The following TNR variants were observed in gnomAD, a reference collection of about 807,000 sequenced individuals.
TNR encodes tenascin-R.
A neutral mutation model predicts 150.4 loss-of-function variants in TNR; 45 were observed. The observed-to-expected ratio is 0.30, with a 90% CI of 0.24 to 0.38. TNR has a LOEUF of 0.38. Ranked by LOEUF, TNR falls within the 10% of genes least tolerant of loss-of-function variation. The pLI is 1.00. For synonymous variants in TNR, 687 were observed against 678.4 expected (o/e 1.01, Z -0.20); for missense variants, 1,544 against 1,759.1 (o/e 0.88, Z 2.19).
chr1:175,688,642 G>A (rs1168721034), intron 1 of TNR, among the ~76,000 whole-genome samples: 5 of 152,204 alleles, frequency 3.3e-5, no homozygotes, highest in Non-Finnish European at 7.4e-5. Context: ...GGGTACCTGA[G>A]AGGCCTTGCC....
intron 1 of TNR, among the ~76,000 whole-genome samples, chr1:175,571,711 T>A (rs1297497822): frequency 6.6e-6 from 1 of 152,194 alleles, no homozygotes; most frequent in Non-Finnish European, 1.5e-5. Context: ...CAGGCGTGAA[T>A]TCATCCAACT....
intron 2 of TNR, among the ~76,000 whole-genome samples, chr1:175,466,025 C>A (rs954794630): frequency 3.3e-5 from 5 of 152,200 alleles, no homozygotes; most frequent in Admixed American, 3.3e-4. Flanking sequence ...GTCTCTTGAA[C>A]TTGCTGTGTG....
chr1:175,444,523 G>T (rs907741018), intron 2 of TNR, among the ~76,000 whole-genome samples: 17 of 152,152 alleles, frequency 1.1e-4, no homozygotes, highest in African/African-American at 4.1e-4. Context: ...AATATGTTAG[G>T]TCCTGACTCA....
intron 1 of TNR, among the ~76,000 whole-genome samples, chr1:175,736,028 C>T (rs932200121): frequency 6.6e-5 from 10 of 152,198 alleles, no homozygotes; most frequent in Non-Finnish European, 1.3e-4. Context: ...CCCATTAGCA[C>T]TTGAGGAGCA....
chr1:175,506,104 G>A (rs1557975102), intron 2 of TNR, among the ~76,000 whole-genome samples: 1 of 152,200 alleles, frequency 6.6e-6, no homozygotes, highest in Non-Finnish European at 1.5e-5. Flanking sequence ...AGGTGAGGTG[G>A]GATAGGGAGG....
chr1:175,647,511 G>A (rs1157738947), intron 1 of TNR, among the ~76,000 whole-genome samples: 4 of 151,730 alleles, frequency 2.6e-5, no homozygotes, highest in Non-Finnish European at 4.4e-5. Flanking sequence ...AAAGGGAAGA[G>A]GGGAAGCTGG....
At chr1:175,395,704 C>T (rs1046513550) in intron 5 of TNR, among the ~76,000 whole-genome samples, 7 of 152,184 alleles carry the variant, frequency 4.6e-5, no homozygotes, top group Admixed American at 2.6e-4. Context: ...CTAAAACAGG[C>T]TTATTGTATC....
chr1:175,393,434 GAGA>G (rs1407119095), intron 6 of TNR, among the ~76,000 whole-genome samples: 1 of 152,210 alleles, frequency 6.6e-6, no homozygotes, highest in Admixed American at 6.5e-5. Flanking sequence ...ATGTCCTAAA[GAGA>G]AGCCTCAATT....
rs74127353 is a variant in TNR, at chr1:175,599,250, G to A, written c.-164-70881C>T. Among the ~76,000 whole-genome samples, 2 of 152,188 alleles carry A rather than the reference G, an allele frequency of 1.3e-5. No individual in the cohort carries two copies. The highest frequency in any genetic ancestry group is 2.4e-5 in the African/African-American group (1 of 41,446). Reference sequence around the variant, plus strand: ...TTGGCCTTGGCCACCTCGGGTCACCGCTCCTCCCTTTCAGGCGCCCGGGTT... The same window carrying A: ...TTGGCCTTGGCCACCTCGGGTCACCACTCCTCCCTTTCAGGCGCCCGGGTT... On this transcript the variant is annotated intron_variant, in intron 1 of 22. Transcript: ENST00000367674. This position sits in a 1 kb window ranked among gnomAD's most constrained non-coding sequence, Gnocchi z 4.7.
intron 1 of TNR, among the ~76,000 whole-genome samples, chr1:175,731,341 T>C (rs530485434): frequency 2.0e-5 from 3 of 152,354 alleles, no homozygotes; most frequent in Non-Finnish European, 4.4e-5. Context: ...AACTCTATAG[T>C]AATTCTACCA....
chr1:175,388,954 G>T (rs200880560), intron 7 of TNR, among the ~76,000 whole-genome samples: 1 of 152,204 alleles, frequency 6.6e-6, no homozygotes, highest in African/African-American at 2.4e-5. Context: ...TATTCTAGGA[G>T]AAAAATATTC....
At position 175,554,835 on chromosome 1, in the gene TNR, C is replaced by T. The variant is rs556217942; in HGVS notation, c.-164-26466G>A. 1.1e-4 allele frequency among the ~76,000 whole-genome samples: 17 copies of T among 152,222 alleles called. No individual in the cohort carries two copies. The South Asian group carries it at 3.1e-3, about 28-fold the overall frequency. ...TCCTATGTTTATTCAATCATAAAACCATTGGGAGTTAGAGCTCATTGAGCC... is the reference window on the plus strand; with the variant it reads ...TCCTATGTTTATTCAATCATAAAACTATTGGGAGTTAGAGCTCATTGAGCC... On this transcript the variant is annotated intron_variant, in intron 1 of 22. Coordinates refer to ENST00000367674, the MANE Select transcript of TNR (RefSeq NM_003285.3).
chr1:175,723,535 T>G (rs1172543450), intron 1 of TNR, among the ~76,000 whole-genome samples: 1 of 152,220 alleles, frequency 6.6e-6, no homozygotes, highest in Admixed American at 6.5e-5. Flanking sequence ...CTAAGTAGTC[T>G]TATATATATG....
intron 8 of TNR, among the ~76,000 whole-genome samples, chr1:175,382,351 G>A (rs1206997138): frequency 6.6e-6 from 1 of 152,184 alleles, no homozygotes; most frequent in Non-Finnish European, 1.5e-5. Flanking sequence ...GTGAGAAGGT[G>A]CAGAAAAAAG....
chr1:175,451,799 A>G (rs1251469594), intron 2 of TNR, among the ~76,000 whole-genome samples: 1 of 152,194 alleles, frequency 6.6e-6, no homozygotes, highest in African/African-American at 2.4e-5. Context: ...TAGCATTTTG[A>G]ACGTTGGAGA....
At chr1:175,477,599 C>T (rs1359741650) in intron 2 of TNR, among the ~76,000 whole-genome samples, 9 of 152,136 alleles carry the variant, frequency 5.9e-5, no homozygotes, top group Admixed American at 5.2e-4. Flanking sequence ...TGGACAAGCC[C>T]ACCACAATAG....
chr1:175,363,220 A>G (rs1344752801), intron 13 of TNR, among the ~76,000 whole-genome samples: 1 of 152,238 alleles, frequency 6.6e-6, no homozygotes, highest in Non-Finnish European at 1.5e-5. Context: ...TGTACCAGCA[A>G]GAACTGGCAG....
At chr1:175,433,499 C>G (rs1655364234) in intron 2 of TNR, among the ~76,000 whole-genome samples, 1 of 152,186 alleles carries the variant, frequency 6.6e-6, no homozygotes, top group Non-Finnish European at 1.5e-5. Context: ...GGGGATGTCA[C>G]AGCTGAAGGC....
At chr1:175,566,727 C>T (rs1661659057) in intron 1 of TNR, among the ~76,000 whole-genome samples, 2 of 152,216 alleles carry the variant, frequency 1.3e-5, no homozygotes, top group South Asian at 2.1e-4. Flanking sequence ...GAGGCATGCT[C>T]ACGTTCTGAT....
Sources: allele counts gnomAD v4.1 joint callset (sites outside exome capture counted in the v4.1 genomes callset), GRCh38; gene constraint gnomAD v4.1.1; non-coding constraint Gnocchi (gnomAD v3.1); transcripts MANE v1.5; gene names NCBI Gene and HGNC (gene_info 2026-07-23, HGNC 2026-07-21).